The following CRYL1 variants were observed in gnomAD, a reference collection of about 807,000 sequenced individuals.
The protein encoded by CRYL1 is lambda-crystallin homolog.
Under a neutral mutation model 36.6 loss-of-function variants are expected in CRYL1, and 29 were observed. That is an observed-to-expected ratio of 0.79 (90% CI 0.59 to 1.08). The LOEUF is 1.08. Ranked by LOEUF, CRYL1 falls within the 50% of genes least tolerant of loss-of-function variation. CRYL1 has a pLI of 0.00. For missense variants in CRYL1, 411 were observed against 407.9 expected, an observed-to-expected ratio of 1.01 and a Z score of -0.06; for synonymous variants, 152 against 151.5, an observed-to-expected ratio of 1.00 and a Z score of -0.02.
intron 3 of CRYL1, among the ~76,000 whole-genome samples, chr13:20,447,561 A>G (rs1245074339): frequency 6.6e-6 from 1 of 151,976 alleles, no homozygotes; most frequent in East Asian, 1.9e-4. Flanking sequence ...AAAGTAACAG[A>G]ATAATACTTC....
chr13:20,466,527 C>T (rs2032936589), intron 3 of CRYL1, among the ~76,000 whole-genome samples: 1 of 152,146 alleles, frequency 6.6e-6, no homozygotes. Context: ...ACACACAAAG[C>T]AGAAGCAGCT....
In CRYL1 at chr13:20,486,391, A is replaced by G. The variant is rs80323770; in HGVS notation, c.276+2979T>C. On this transcript the variant is annotated intron_variant, in intron 3 of 7. Transcript: ENST00000298248. ...TTTCCTACCTTTCCAATGGGTCTGT[A>G]ACGTGGCCTTAGAAACATCCTCAAA... Among the ~76,000 whole-genome samples, 40 of 152,266 alleles carry G rather than the reference A, an allele frequency of 2.6e-4. No individual in the cohort carries two copies. In the East Asian group the frequency reaches 6.9e-3, roughly 26 times the overall value.
chr13:20,459,153 G>A lies in CRYL1; in HGVS notation c.277-19399C>T, dbSNP rs551263019. Among the ~76,000 whole-genome samples, 13 of 150,544 alleles carry A rather than the reference G, an allele frequency of 8.6e-5. No homozygotes were observed. In the East Asian group the frequency reaches 9.9e-4, roughly 11 times the overall value. ...CGGGAGGCTGAGGCAGGAGAATGGC[G>A]TGATCCCGGGAGGCGGAGCTTGCAG... is the stretch of plus-strand genomic sequence containing the variant. On this transcript the variant is annotated intron_variant, in intron 3 of 7. Coordinates refer to ENST00000298248, the MANE Select transcript of CRYL1 (RefSeq NM_015974.3).
chr13:20,525,072 C>A lies in CRYL1; in HGVS notation c.41+682G>T, dbSNP rs1330375509. 3.9e-5 allele frequency among the ~76,000 whole-genome samples: 6 copies of A among 151,998 alleles called. No homozygotes were observed. Among genetic ancestry groups the A allele is most frequent in the African/African-American group, 1.2e-4 (5 of 41,368 alleles). On this transcript the variant is annotated intron_variant, in intron 1 of 7. Transcript: ENST00000298248. The surrounding 1 kb of genome is among the most constrained non-coding windows in gnomAD (Gnocchi z 4.3). The stretch of plus-strand genomic sequence containing the variant: ...GGGGGCGGGGTGGGGGAAGCACACA[C>A]TAAAAATCAGTTTGGGCAGAATTTA...
chr13:20,428,701 T>G (rs2137384941), intron 5 of CRYL1, among the ~76,000 whole-genome samples: 1 of 152,256 alleles, frequency 6.6e-6, no homozygotes, highest in Middle Eastern at 3.4e-3. Flanking sequence ...CTACCTCAAA[T>G]TGGAGGTCAG....
At chr13:20,523,851 A>C (rs573458845) in intron 1 of CRYL1, among the ~76,000 whole-genome samples, 1 of 152,336 alleles carries the variant, frequency 6.6e-6, no homozygotes, top group South Asian at 2.1e-4. Flanking sequence ...GTAAACTGTT[A>C]ACTGAAGCTC....
intron 3 of CRYL1, among the ~76,000 whole-genome samples, chr13:20,471,498 G>A (rs146313080): frequency 0.029 from 4,350 of 152,056 alleles, 210 homozygotes; most frequent in African/African-American, 0.098. Context: ...CCAGCTACTC[G>A]GGAGGCTGAG....
At chr13:20,430,837 A>ATTC in intron 5 of CRYL1, 1 of 985,326 alleles carries the variant, frequency 1.0e-6, no homozygotes, top group African/African-American at 1.7e-5. Context: ...TTCTAGACAA[A>ATTC]TGGAAATATT....
chr13:20,504,248 G>A lies in CRYL1; in HGVS notation c.149+8195C>T, dbSNP rs78457691. On this transcript the variant is annotated intron_variant, in intron 2 of 7. Transcript: ENST00000298248. ...TAAAACACTCCTGATCTGTAGGTCC[G>A]TGTTACAACTTTGTTTACTTGATTT... 3.0e-4 allele frequency among the ~76,000 whole-genome samples: 45 copies of A among 151,294 alleles called. No individual in the cohort carries two copies. In the East Asian group the frequency reaches 7.0e-3, roughly 24 times the overall value.
At chr13:20,420,040 C>T (rs1175649924) in intron 5 of CRYL1, among the ~76,000 whole-genome samples, 1 of 152,262 alleles carries the variant, frequency 6.6e-6, no homozygotes, top group Non-Finnish European at 1.5e-5. Context: ...GGTTTGTGAG[C>T]TGCTTGGCCT....
intron 5 of CRYL1, chr13:20,427,189 C>G: frequency 3.0e-6 from 3 of 985,492 alleles, no homozygotes; most frequent in Non-Finnish European, 2.4e-6. Context: ...AATAAGATCA[C>G]GTGACCCAGG....
intron 2 of CRYL1, among the ~76,000 whole-genome samples, chr13:20,507,508 G>A (rs1203673970): frequency 1.3e-5 from 2 of 152,166 alleles, no homozygotes; most frequent in African/African-American, 4.8e-5. Flanking sequence ...GAGATTCACG[G>A]GTCTCCTCTT....
At position 20,439,672 on chromosome 13, in the gene CRYL1, C is replaced by A. The variant is rs2032312143; in HGVS notation, c.359G>T (p.Ser120Ile). ...AGGCATGAGACAAGAAGTGGAACTG[C>A]TTAAGATCACTCGATCATCAATGAT... Reference protein sequence around the residue: ...DSIIDDRVILSSSTSCLMPSK... With the variant: ...DSIIDDRVILISSTSCLMPSK... Residue 120 changes from serine (S) to isoleucine (I), a missense_variant, in exon 4 of 8, where the codon AGC becomes ATC. By Grantham distance (142) the Ser-to-Ile change is moderately radical. Coordinates refer to ENST00000298248, the MANE Select transcript of CRYL1 (RefSeq NM_015974.3). The A allele has an allele frequency of 6.2e-7, 1 of 1,614,090 alleles. No individual in the cohort carries two copies. Among genetic ancestry groups the A allele is most frequent in the Non-Finnish European group, 8.5e-7 (1 of 1,179,984 alleles).
At chr13:20,405,783 G>A (rs1018749654) in intron 6 of CRYL1, 5 of 152,538 alleles carry the variant, frequency 3.3e-5, no homozygotes, top group Non-Finnish European at 5.9e-5. Flanking sequence ...GGGAGAGGGA[G>A]GGAGCCGCAC....
Position 20,425,088 on chromosome 13 carries a change from C to A in CRYL1, c.633+7014G>T, listed in dbSNP as rs2031903520. ...CTGTGCTATTTTACTCAAGCCTCAACATTTTCCCCCGGACACATTCCAGGT... is the reference window on the plus strand; with the variant it reads ...CTGTGCTATTTTACTCAAGCCTCAAAATTTTCCCCCGGACACATTCCAGGT... On this transcript the variant is annotated intron_variant, in intron 5 of 7. Transcript: ENST00000298248. The surrounding 1 kb of genome is among the most constrained non-coding windows in gnomAD (Gnocchi z 4.4). 6.6e-6 allele frequency among the ~76,000 whole-genome samples: 1 copy of A among 152,222 alleles called. No homozygotes were observed. Among genetic ancestry groups the A allele is most frequent in the South Asian group, 2.1e-4 (1 of 4,832 alleles).
At chr13:20,445,888 T>C (rs1004439866) in intron 3 of CRYL1, among the ~76,000 whole-genome samples, 2 of 152,150 alleles carry the variant, frequency 1.3e-5, no homozygotes, top group Non-Finnish European at 2.9e-5. Context: ...TGGACAGATG[T>C]GTGGATATTA....
intron 5 of CRYL1, among the ~76,000 whole-genome samples, chr13:20,414,570 T>C (rs1473297801): frequency 3.3e-5 from 5 of 152,188 alleles, no homozygotes; most frequent in Non-Finnish European, 7.4e-5. Context: ...AGTCCGGCCT[T>C]GTTCAGCTTT....
intron 3 of CRYL1, among the ~76,000 whole-genome samples, chr13:20,462,824 A>C (rs2032858402): frequency 1.3e-5 from 2 of 152,066 alleles, no homozygotes; most frequent in Middle Eastern, 3.4e-3. Flanking sequence ...AAACGTGCCT[A>C]AATTGTACTT....
At chr13:20,482,754 T>C (rs1593476392) in intron 3 of CRYL1, among the ~76,000 whole-genome samples, 2 of 152,226 alleles carry the variant, frequency 1.3e-5, no homozygotes, top group African/African-American at 2.4e-5. Flanking sequence ...TGTGTGTGTG[T>C]GTGCGCGCGT....
Sources: gnomAD v4.1 joint callset for allele counts (sites outside exome capture counted in the v4.1 genomes callset) on GRCh38, gnomAD v4.1.1 for gene constraint, Gnocchi (gnomAD v3.1) non-coding constraint, MANE v1.5 for transcripts, NCBI Gene and HGNC (gene_info 2026-07-23, HGNC 2026-07-21) for gene names.